NCOR2: variants seen among roughly 807,000 people sequenced by gnomAD.
NCOR2 encodes CTG repeat protein 26.
A neutral mutation model predicts 262.9 loss-of-function variants in NCOR2; 81 were observed. The observed-to-expected ratio is 0.31, with a 90% CI of 0.26 to 0.37. The LOEUF (loss-of-function observed/expected upper bound fraction) is 0.37. Among genes scored for constraint, NCOR2 ranks in the 10% least tolerant of loss-of-function variants. The probability of loss-of-function intolerance (pLI) is 1.00; values close to 1 mark genes in which losing one functional copy is unlikely to be tolerated. For missense variants in NCOR2, 3,385 were observed against 3,621.4 expected, an observed-to-expected ratio of 0.93 and a Z score of 1.68; for synonymous variants, 1,659 against 1,559.3, an observed-to-expected ratio of 1.06 and a Z score of -1.51.
exon 38 of NCOR2, chr12:124,336,930 G>A (rs763847492): frequency 3.8e-6 from 6 of 1,574,804 alleles, no homozygotes; most frequent in Non-Finnish European, 5.2e-6. Flanking sequence ...GGCACTAGGG[G>A]CCGGGGCTCC....
intron 42 of NCOR2, 23 bp from the exon 45 acceptor site, chr12:124,332,490 A>T (rs1214171728): frequency 1.2e-6 from 2 of 1,613,856 alleles, no homozygotes; most frequent in Non-Finnish European, 1.7e-6. Context: ...AACACCTCAC[A>T]TCAGCTCACT....
chr12:124,402,438 GCTTCTC>G, exon 14 of NCOR2: 1 of 1,614,006 alleles, frequency 6.2e-7, no homozygotes, highest in African/African-American at 1.3e-5. Flanking sequence ...TCCACCTCCG[GCTTCTC>G]CTCCTCCTTC....
intron 34 of NCOR2, among the ~76,000 whole-genome samples, chr12:124,341,038 G>C (rs942466186): frequency 1.3e-5 from 2 of 152,188 alleles, no homozygotes; most frequent in African/African-American, 4.8e-5. Context: ...TTCAGCCTCT[G>C]ACGCCTACAC....
chr12:124,523,729 A>G lies in NCOR2; in HGVS notation c.-118+11836T>C, dbSNP rs2050314487. 1.3e-5 allele frequency among the ~76,000 whole-genome samples: 2 copies of G among 152,134 alleles called. No homozygotes were observed. On this transcript the variant is annotated intron_variant, in intron 1 of 46. Transcript: ENST00000404621. This position sits in a 1 kb window ranked among gnomAD's most constrained non-coding sequence, Gnocchi z 4.0. The stretch of plus-strand genomic sequence containing the variant: ...TGCATTTAAAACCGTCCTGAGCCGC[A>G]GGTTGGACAAGCTTGCCTTACAACA...
intron 1 of NCOR2, among the ~76,000 whole-genome samples, chr12:124,522,960 G>A (rs1001344556): frequency 3.3e-5 from 5 of 152,196 alleles, no homozygotes; most frequent in Admixed American, 1.3e-4. Flanking sequence ...CTCGTGGGCA[G>A]CTTGAGGAAA....
intron 8 of NCOR2, among the ~76,000 whole-genome samples, chr12:124,434,100 A>G (rs2044192410): frequency 6.6e-6 from 1 of 152,106 alleles, no homozygotes; most frequent in Non-Finnish European, 1.5e-5. Flanking sequence ...GAGATGTGGC[A>G]GGCTTGGGGG....
intron 8 of NCOR2, among the ~76,000 whole-genome samples, chr12:124,431,221 G>C (rs2043900913): frequency 1.3e-5 from 2 of 150,280 alleles, no homozygotes; most frequent in African/African-American, 4.9e-5. Context: ...CATACAGTCA[G>C]ACAGATATAC....
intron 20 of NCOR2, among the ~76,000 whole-genome samples, chr12:124,368,748 C>T (rs2039237390): frequency 6.6e-6 from 1 of 152,216 alleles, no homozygotes; most frequent in East Asian, 1.9e-4. Context: ...CTCTCCCCTG[C>T]TCCCCATGCC....
At chr12:124,382,443 G>A (rs1261522496) in intron 17 of NCOR2, among the ~76,000 whole-genome samples, 2 of 152,204 alleles carry the variant, frequency 1.3e-5, no homozygotes, top group East Asian at 3.8e-4. Flanking sequence ...GTCCCAACCT[G>A]GATCTCGGGG....
rs945426314 is a variant in NCOR2 at position 124,389,736 on chromosome 12, C to T, written c.1877-3849G>A. On this transcript the variant is annotated intron_variant, in intron 16 of 46. Transcript: ENST00000405201. The surrounding 1 kb of genome is among the most constrained non-coding windows in gnomAD (Gnocchi z 4.4). ...CTTTGCAGGGTGCACATGAGACCGC[C>T]AACCATTTAGGGGAGGGGGAAGGGT... Among the ~76,000 whole-genome samples the T allele has an allele frequency of 6.6e-6, 1 of 152,180 alleles. No individual in the cohort carries two copies. The highest frequency in any genetic ancestry group is 2.4e-5 in the African/African-American group (1 of 41,432).
chr12:124,384,497 G>C (rs1030611386), intron 17 of NCOR2, among the ~76,000 whole-genome samples: 1 of 152,154 alleles, frequency 6.6e-6, no homozygotes, highest in Admixed American at 6.5e-5. Flanking sequence ...TCTCAGCCCT[G>C]ACCACAGGGC....
Position 124,466,287 on chromosome 12 carries a change from C to G in NCOR2, c.592-1G>C. 6.2e-7 allele frequency: 1 copy of G among 1,604,702 alleles called. No homozygotes were observed. The highest frequency in any genetic ancestry group is 8.5e-7 in the Non-Finnish European group (1 of 1,178,542). On this transcript the variant is annotated splice_acceptor_variant, in intron 4 of 46. Coordinates refer to ENST00000405201, the Ensembl canonical transcript of NCOR2. LOFTEE classifies it high-confidence loss of function. ...TGGCAGCCTCCTCCTCCAGCTGTTG[C>G]TGTGGGGAGAGGCAGAACGTGAGGG... is the stretch of plus-strand genomic sequence containing the variant.
At chr12:124,486,316 A>G (rs2047763926) in intron 2 of NCOR2, 125 bp downstream of exon 4, 1 of 1,445,032 alleles carries the variant, frequency 6.9e-7, no homozygotes, top group Non-Finnish European at 9.2e-7. Flanking sequence ...AAGGGTGAAC[A>G]CACGGCCCGA....
chr12:124,354,466 A>C lies in NCOR2; in HGVS notation c.3589+12T>G. 6.6e-7 allele frequency: 1 copy of C among 1,510,848 alleles called. No individual in the cohort carries two copies. Among genetic ancestry groups the C allele is most frequent in the Non-Finnish European group, 8.8e-7 (1 of 1,135,562 alleles). The allele number at this position is 1,510,848 out of a possible 1,614,324, so 93.6% of individuals were successfully genotyped here. ...GGCAGATGCTGGGGGCCCAGGGCAG[A>C]AGGGCCCTCACCTCTCAGCACGGAC... On this transcript the variant is annotated intron_variant, in intron 26 of 46. Transcript: ENST00000405201.
chr12:124,547,163 T>C (rs972789026), intron 1 of NCOR2, among the ~76,000 whole-genome samples: 35 of 152,036 alleles, frequency 2.3e-4, no homozygotes, highest in African/African-American at 8.4e-4. Context: ...CTACATTTTG[T>C]TGTATTTTTA....
At chr12:124,497,504 C>T (rs991181888), upstream of NCOR2, among the ~76,000 whole-genome samples, 3 of 152,218 alleles carry the variant, frequency 2.0e-5, no homozygotes, top group African/African-American at 7.2e-5. The surrounding 1 kb of genome is among the most constrained non-coding windows in gnomAD (Gnocchi z 4.2). Flanking sequence ...CGTCTAGCCC[C>T]GGGCCTGTCA....
rs2048913975 is a variant in NCOR2, at chr12:124,503,931, C to CA, written c.-117-8564dup. On this transcript the variant is annotated intron_variant, in intron 1 of 46. Coordinates refer to the NCOR2 transcript ENST00000404621. This position sits in a 1 kb window ranked among gnomAD's most constrained non-coding sequence, Gnocchi z 4.3. ...CCAGGCCCTCCCACATGCCCAGCTC[C>CA]ATGAGGGACACAGAAAGGCACTGTC... Among the ~76,000 whole-genome samples the CA allele has an allele frequency of 6.6e-6, 1 of 152,178 alleles. No homozygotes were observed. The highest frequency in any genetic ancestry group is 2.1e-4 in the South Asian group (1 of 4,832).
chr12:124,513,520 T>C (rs367921456), intron 1 of NCOR2: 1 of 152,254 alleles, frequency 6.6e-6, no homozygotes, highest in East Asian at 1.9e-4. Context: ...CCCCTTAACA[T>C]GCTAAGCATG....
In NCOR2 at chr12:124,443,596, G is replaced by A. The variant is rs184522220; in HGVS notation, c.816-5600C>T. ...CGGCTCACTGCAACCTCTGCCTCCC[G>A]GGTTCAAGTGATTGTCCTGCCTCAG... On this transcript the variant is annotated intron_variant, in intron 7 of 46. Transcript: ENST00000405201. This position sits in a 1 kb window ranked among gnomAD's most constrained non-coding sequence, Gnocchi z 4.4. Among the ~76,000 whole-genome samples the A allele has an allele frequency of 4.4e-3, 669 of 152,166 alleles. 3 individuals carry two copies. Among genetic ancestry groups the A allele is most frequent in the Middle Eastern group, 0.037 (11 of 294 alleles).
Sources: allele counts gnomAD v4.1 joint callset (sites outside exome capture counted in the v4.1 genomes callset), GRCh38; gene constraint gnomAD v4.1.1; non-coding constraint Gnocchi (gnomAD v3.1); transcripts MANE v1.5; gene names NCBI Gene and HGNC (gene_info 2026-07-23, HGNC 2026-07-21).